WDR25: variants seen among roughly 807,000 people sequenced by gnomAD.
WDR25 encodes WD repeat-containing protein 25.
In WDR25, 35 loss-of-function variants were observed where a neutral mutation model predicts 47.7. The ratio of observed to expected loss-of-function variants is 0.73; its 90% CI spans 0.56 to 0.97. The LOEUF is 0.97. WDR25 is among the 50% of genes least tolerant of loss of function. The probability of loss-of-function intolerance (pLI) is 0.00; values close to 1 mark genes in which losing one functional copy is unlikely to be tolerated. For synonymous variants in WDR25, 248 were observed against 278.9 expected, an observed-to-expected ratio of 0.89 and a Z score of 1.10; for missense variants, 634 against 704.7, an observed-to-expected ratio of 0.90 and a Z score of 1.14.
chr14:100,480,374 G>A (rs1900159943), intron 3 of WDR25, among the ~76,000 whole-genome samples: 1 of 152,212 alleles, frequency 6.6e-6, no homozygotes, highest in Non-Finnish European at 1.5e-5. Flanking sequence ...GGAGCTCAAA[G>A]AGGTATAGAT....
intron 2 of WDR25, among the ~76,000 whole-genome samples, chr14:100,390,192 T>C (rs919665228): frequency 1.7e-4 from 26 of 152,210 alleles, no homozygotes; most frequent in African/African-American, 6.0e-4. Context: ...ATATAGCATA[T>C]TGTTTTTTAT....
chr14:100,504,232 C>T (rs1310285898), intron 4 of WDR25, among the ~76,000 whole-genome samples: 1 of 152,222 alleles, frequency 6.6e-6, no homozygotes, highest in Admixed American at 6.5e-5. Flanking sequence ...ATCATCCACT[C>T]TCTAATCCAT....
At chr14:100,465,854 T>A (rs781743106) in intron 2 of WDR25, among the ~76,000 whole-genome samples, 1 of 152,246 alleles carries the variant, frequency 6.6e-6, no homozygotes, top group Non-Finnish European at 1.5e-5. Flanking sequence ...TTTTTCCACA[T>A]CCTTGTCAAT....
At position 100,381,265 on chromosome 14, in the gene WDR25, G is replaced by C. The variant is rs368030091; in HGVS notation, c.341G>C (p.Cys114Ser). ...ACCTTCCCCATCAAAGAGCCTTCTT[G>C]TTCTTCTCTGTGGACGAGCCATGTT... ...QVTFPIKEPS[C>S]SSLWTSHVPA... Residue 114 changes from cysteine (C) to serine (S), a missense_variant, in exon 2 of 7, where the codon TGT becomes TCT. Transcript: ENST00000402312. 1 of 1,613,954 alleles carries C rather than the reference G, an allele frequency of 6.2e-7. No homozygotes were observed. Among genetic ancestry groups the C allele is most frequent in the African/African-American group, 1.3e-5 (1 of 74,882 alleles).
intron 2 of WDR25, among the ~76,000 whole-genome samples, chr14:100,442,135 G>A (rs577840626): frequency 2.0e-5 from 3 of 152,356 alleles, no homozygotes; most frequent in Admixed American, 2.0e-4. Context: ...GGAGGGATGG[G>A]CTTGGGTTGC....
intron 2 of WDR25, among the ~76,000 whole-genome samples, chr14:100,391,550 A>G (rs372964754): frequency 6.6e-6 from 1 of 152,282 alleles, no homozygotes; most frequent in African/African-American, 2.4e-5. Flanking sequence ...AAGAAATGCA[A>G]TCTGGAAAGA....
chr14:100,457,106 G>A (rs995557022), intron 2 of WDR25, among the ~76,000 whole-genome samples: 5 of 152,076 alleles, frequency 3.3e-5, no homozygotes, highest in Admixed American at 2.0e-4. Flanking sequence ...ACAGTTGCCT[G>A]TCACCACGCC....
At chr14:100,478,115 A>C (rs7401857) in intron 3 of WDR25, among the ~76,000 whole-genome samples, 43 of 151,412 alleles carry the variant, frequency 2.8e-4, no homozygotes, top group African/African-American at 9.2e-4. Context: ...AAACAAAACA[A>C]AAACAAACAA....
At chr14:100,503,211 G>C (rs1442044693) in intron 4 of WDR25, among the ~76,000 whole-genome samples, 1 of 152,054 alleles carries the variant, frequency 6.6e-6, no homozygotes, top group South Asian at 2.1e-4. Flanking sequence ...TTAGAGATAA[G>C]GGAGACCTCC....
chr14:100,432,066 G>A (rs1445135543), intron 2 of WDR25, among the ~76,000 whole-genome samples: 2 of 152,126 alleles, frequency 1.3e-5, no homozygotes, highest in African/African-American at 4.8e-5. Context: ...TCTTCCTTGG[G>A]TTTCTTCTGT....
chr14:100,519,849 A>G (rs977602012), intron 4 of WDR25, among the ~76,000 whole-genome samples: 5 of 133,792 alleles, frequency 3.7e-5, no homozygotes, highest in Non-Finnish European at 6.1e-5. Flanking sequence ...TATACTATAT[A>G]TGCTATATAT....
intron 2 of WDR25, among the ~76,000 whole-genome samples, chr14:100,396,835 C>A (rs1248330992): frequency 6.6e-6 from 1 of 152,272 alleles, no homozygotes; most frequent in Non-Finnish European, 1.5e-5. Context: ...GCCTTGGTTT[C>A]TCTCCTGCCA....
chr14:100,454,356 G>A (rs1899133801), intron 2 of WDR25: 3 of 1,285,814 alleles, frequency 2.3e-6, no homozygotes, highest in Non-Finnish European at 3.0e-6. Context: ...TGGAGTATGT[G>A]TATGGCAGGT....
chr14:100,418,673 C>T (rs1054953926), intron 2 of WDR25, among the ~76,000 whole-genome samples: 2 of 151,490 alleles, frequency 1.3e-5, no homozygotes, highest in East Asian at 3.9e-4. Context: ...CACAACAGCA[C>T]AGTAGTGCAG....
intron 2 of WDR25, among the ~76,000 whole-genome samples, chr14:100,414,408 G>A (rs1183573401): frequency 6.6e-6 from 1 of 150,450 alleles, no homozygotes; most frequent in Non-Finnish European, 1.5e-5. Flanking sequence ...CGCCTCCCAG[G>A]CTCAAGCAAT....
rs750946468 is a variant in WDR25, at chr14:100,488,918, G to A, written c.1101+4794G>A. Reference sequence around the variant, plus strand: ...AGTCACCTCTGTGCCTGGCATCCCCGACAGGGCCTGGACCAGAGCAGGTGT... The same window carrying A: ...AGTCACCTCTGTGCCTGGCATCCCCAACAGGGCCTGGACCAGAGCAGGTGT... On this transcript the variant is annotated intron_variant, in intron 4 of 6. Transcript: ENST00000402312. The surrounding 1 kb of genome is among the most constrained non-coding windows in gnomAD (Gnocchi z 4.2). Among the ~76,000 whole-genome samples the A allele has an allele frequency of 5.9e-5, 9 of 152,194 alleles. No individual in the cohort carries two copies. Among genetic ancestry groups the A allele is most frequent in the Non-Finnish European group, 1.2e-4 (8 of 68,036 alleles).
intron 4 of WDR25, among the ~76,000 whole-genome samples, chr14:100,519,804 A>G (rs1901645323): frequency 7.1e-6 from 1 of 140,266 alleles, no homozygotes; most frequent in Non-Finnish European, 1.5e-5. Flanking sequence ...ATATGTATAT[A>G]TGTATATATG....
rs2140229270 is a variant in WDR25 at position 100,430,007 on chromosome 14, C to T, written c.823-38014C>T. Among the ~76,000 whole-genome samples the T allele has an allele frequency of 6.6e-6, 1 of 152,284 alleles. No homozygotes were observed. ...CAACATATGAATTTTGGGGAAGACACATCCATGACACCCCTAGTATGCTGC... is the reference window on the plus strand; with the variant it reads ...CAACATATGAATTTTGGGGAAGACATATCCATGACACCCCTAGTATGCTGC... On this transcript the variant is annotated intron_variant, in intron 2 of 6. Transcript: ENST00000402312. This position sits in a 1 kb window ranked among gnomAD's most constrained non-coding sequence, Gnocchi z 4.7.
At chr14:100,461,651 T>G (rs1899416670) in intron 2 of WDR25, among the ~76,000 whole-genome samples, 1 of 152,186 alleles carries the variant, frequency 6.6e-6, no homozygotes, top group Admixed American at 6.5e-5. Flanking sequence ...CCCATCCGTT[T>G]GGTAAAGGGT....
Sources: allele counts gnomAD v4.1 joint callset (sites outside exome capture counted in the v4.1 genomes callset), GRCh38; gene constraint gnomAD v4.1.1; non-coding constraint Gnocchi (gnomAD v3.1); transcripts MANE v1.5; gene names NCBI Gene and HGNC (gene_info 2026-07-23, HGNC 2026-07-21).